Variants in PTPRM observed in about 807,000 individuals in gnomAD.
PTPRM encodes the protein protein tyrosine phosphatase receptor type M, also known as receptor-type tyrosine-protein phosphatase mu.
Under a neutral mutation model 186.7 loss-of-function variants are expected in PTPRM, and 47 were observed. The observed-to-expected ratio is 0.25, with a 90% CI of 0.20 to 0.32. The LOEUF is 0.32. Among genes scored for constraint, PTPRM ranks in the 10% least tolerant of loss-of-function variants. The pLI is 1.00. For synonymous variants in PTPRM, 668 were observed against 674.9 expected, an observed-to-expected ratio of 0.99 and a Z score of 0.16; for missense variants, 1,494 against 1,865.0, an observed-to-expected ratio of 0.80 and a Z score of 3.66.
rs7245067 is a variant in PTPRM, at chr18:8,221,559, C to T, written c.2301-22499C>T. Among the ~76,000 whole-genome samples, 408 of 152,108 alleles carry T rather than the reference C, an allele frequency of 2.7e-3. 2 individuals carry two copies. Among genetic ancestry groups the T allele is most frequent in the African/African-American group, 4.6e-3 (192 of 41,498 alleles). On this transcript the variant is annotated intron_variant, in intron 14 of 32. Coordinates refer to ENST00000580170, the MANE Select transcript of PTPRM (RefSeq NM_001105244.2). Reference sequence around the variant, plus strand: ...TGGAGAAAATTTATAGATAGAAAAACGAAAGTGACACACAGAAGACAAAAG... The same window carrying T: ...TGGAGAAAATTTATAGATAGAAAAATGAAAGTGACACACAGAAGACAAAAG...
In PTPRM at chr18:8,069,894, T is replaced by G. The variant is rs765211439; in HGVS notation, c.1341T>G (p.Thr447=). The part of the protein sequence containing the change: ...TENSHPQHTI[T]NLSPYTNVSV... ...ACTCACACCCTCAACACACGATCAC[T>G]AACCTGTCACCATACACCAATGTCA... Residue 447 remains threonine (T), a synonymous_variant, in exon 8 of 33, where the codon ACT becomes ACG. Coordinates refer to ENST00000580170, the MANE Select transcript of PTPRM (RefSeq NM_001105244.2). The G allele has an allele frequency of 5.6e-6, 9 of 1,613,870 alleles. No homozygotes were observed. Among genetic ancestry groups the G allele is most frequent in the Non-Finnish European group, 7.6e-6 (9 of 1,179,828 alleles).
intron 1 of PTPRM, among the ~76,000 whole-genome samples, chr18:7,720,973 C>G (rs985965027): frequency 6.6e-6 from 1 of 151,892 alleles, no homozygotes; most frequent in Admixed American, 6.6e-5. Context: ...GCTTTGAATT[C>G]TTTTTGATAT....
intron 3 of PTPRM, among the ~76,000 whole-genome samples, chr18:7,899,328 G>A (rs1372439773): frequency 2.0e-5 from 3 of 152,126 alleles, no homozygotes; most frequent in Non-Finnish European, 4.4e-5. Flanking sequence ...ATTTTTTGCT[G>A]CTCTGTGCAT....
chr18:7,911,845 A>ACTT (rs1599452774), intron 4 of PTPRM, among the ~76,000 whole-genome samples: 1 of 100,532 alleles, frequency 9.9e-6, no homozygotes, highest in African/African-American at 4.9e-5. Context: ...TTATGGTTTC[A>ACTT]ATTTTTTTTT....
intron 31 of PTPRM, among the ~76,000 whole-genome samples, chr18:8,390,650 C>T (rs565389649): frequency 1.1e-3 from 174 of 152,262 alleles, no homozygotes; most frequent in African/African-American, 4.0e-3. Context: ...ATGTCCCAGC[C>T]CAGCGCAGTG....
intron 5 of PTPRM, among the ~76,000 whole-genome samples, chr18:7,927,029 CTCTT>C (rs944598459): frequency 2.0e-5 from 3 of 152,150 alleles, no homozygotes; most frequent in African/African-American, 7.2e-5. Flanking sequence ...CTCTCTCTCT[CTCTT>C]ACACACATAC....
chr18:7,897,460 AGT>A (rs1355663163), intron 3 of PTPRM, among the ~76,000 whole-genome samples: 1 of 152,182 alleles, frequency 6.6e-6, no homozygotes, highest in Non-Finnish European at 1.5e-5. Flanking sequence ...CAGGAAAGCT[AGT>A]CTAGTAGGTG....
rs189820432 is a variant in PTPRM, at chr18:8,406,215, T to A, written c.*53T>A. On this transcript the variant is annotated 3_prime_UTR_variant, in exon 33 of 33. Coordinates refer to ENST00000580170, the MANE Select transcript of PTPRM (RefSeq NM_001105244.2). ...CTTTCATACCACAAAGCCAAGACGT[T>A]CCATGGTATTTGTGCAAAAGAGATG... 2.2e-4 allele frequency: 335 copies of A among 1,528,398 alleles called. 1 individual carries two copies. The African/African-American group carries it at 3.7e-3, about 17-fold the overall frequency. The allele number at this position is 1,528,398 out of a possible 1,614,324, so 94.7% of individuals were successfully genotyped here. A position where few individuals can be genotyped will look rare whatever the true frequency, so the allele number is the denominator to read the frequency against.
At chr18:7,571,391 C>T (rs2036563630) in intron 1 of PTPRM, among the ~76,000 whole-genome samples, 1 of 152,140 alleles carries the variant, frequency 6.6e-6, no homozygotes, top group Admixed American at 6.5e-5. Flanking sequence ...AATTATTTTA[C>T]CTTTGTTGGA....
intron 7 of PTPRM, among the ~76,000 whole-genome samples, chr18:8,056,633 A>T (rs1188723821): frequency 6.6e-6 from 1 of 152,178 alleles, no homozygotes; most frequent in East Asian, 1.9e-4. Flanking sequence ...GAAGAAAAAA[A>T]AAAAAAGATA....
At chr18:8,036,427 G>T (rs1164651913) in intron 7 of PTPRM, among the ~76,000 whole-genome samples, 1 of 152,160 alleles carries the variant, frequency 6.6e-6, no homozygotes, top group East Asian at 1.9e-4. Context: ...AAAACAGTGG[G>T]AACCCAGGCT....
chr18:7,759,228 A>T (rs1485630393), intron 1 of PTPRM, among the ~76,000 whole-genome samples: 2 of 152,228 alleles, frequency 1.3e-5, no homozygotes, highest in Non-Finnish European at 2.9e-5. Context: ...CAACACACAC[A>T]GTACTAGGTA....
chr18:8,402,942 G>T (rs983673008), intron 32 of PTPRM: 8 of 152,174 alleles, frequency 5.3e-5, no homozygotes, highest in African/African-American at 1.9e-4. Flanking sequence ...ATTTGCACTA[G>T]GAGATAATTT....
At chr18:7,848,878 T>TAC (rs2046727454) in intron 2 of PTPRM, among the ~76,000 whole-genome samples, 1 of 152,178 alleles carries the variant, frequency 6.6e-6, no homozygotes, top group Non-Finnish European at 1.5e-5. Context: ...TCATTTAAAA[T>TAC]GTTGGTAATT....
chr18:8,398,139 G>T (rs1041781646), intron 32 of PTPRM, among the ~76,000 whole-genome samples: 2 of 151,466 alleles, frequency 1.3e-5, no homozygotes, highest in Admixed American at 1.3e-4. Flanking sequence ...TGCCTGGCTG[G>T]TTTTTTATTT....
intron 9 of PTPRM, among the ~76,000 whole-genome samples, chr18:8,079,041 C>T (rs1239307058): frequency 6.6e-6 from 1 of 152,216 alleles, no homozygotes; most frequent in East Asian, 1.9e-4. Flanking sequence ...AGATTATTCT[C>T]TGTTCTCTCT....
intron 7 of PTPRM, among the ~76,000 whole-genome samples, chr18:8,011,088 T>G (rs2147865317): frequency 6.6e-6 from 1 of 152,304 alleles, no homozygotes; most frequent in South Asian, 2.1e-4. Flanking sequence ...AAATCTAGAT[T>G]GGAATAAATG....
At chr18:7,968,447 C>T (rs2054301098) in intron 7 of PTPRM, among the ~76,000 whole-genome samples, 1 of 119,026 alleles carries the variant, frequency 8.4e-6, no homozygotes, top group Non-Finnish European at 1.7e-5. Flanking sequence ...ATCAAATTCA[C>T]ACATAACAAT....
intron 17 of PTPRM, 25 bp from the exon 18 acceptor site, chr18:8,252,463 C>T (rs1042059234): frequency 2.0e-6 from 3 of 1,529,200 alleles, no homozygotes; most frequent in Non-Finnish European, 2.7e-6. Flanking sequence ...CTCCTTTTTT[C>T]TCCTGATATG....
Sources: gnomAD v4.1 joint callset for allele counts (sites outside exome capture counted in the v4.1 genomes callset) on GRCh38, gnomAD v4.1.1 for gene constraint, MANE v1.5 for transcripts, NCBI Gene and HGNC (gene_info 2026-07-23, HGNC 2026-07-21) for gene names.